Variants in CSMD1 observed in about 807,000 individuals in gnomAD.
CSMD1 encodes the protein CUB and sushi domain-containing protein 1.
CSMD1 carries 213 observed loss-of-function variants against 417.5 expected under a neutral mutation model. The ratio of observed to expected loss-of-function variants is 0.51; its 90% CI spans 0.46 to 0.57. The LOEUF is 0.57. Ranked by LOEUF, CSMD1 falls within the 20% of genes least tolerant of loss-of-function variation. The pLI, the probability that CSMD1 is intolerant of heterozygous loss-of-function variation, is 0.00. For synonymous variants in CSMD1, 2,862 were observed against 1,736.8 expected, an observed-to-expected ratio of 1.65 and a Z score of -16.11; for missense variants, 6,923 against 4,529.7, an observed-to-expected ratio of 1.53 and a Z score of -15.17.
At chr8:3,545,501 G>A (rs114633426) in intron 10 of CSMD1, among the ~76,000 whole-genome samples, 1,783 of 152,270 alleles carry the variant, frequency 0.012, 28 homozygotes, top group African/African-American at 0.041. Context: ...GAAGAGGTGA[G>A]TGATAAAGAA....
intron 5 of CSMD1, among the ~76,000 whole-genome samples, chr8:3,834,501 A>C (rs1802564025): frequency 1.3e-5 from 2 of 152,222 alleles, no homozygotes; most frequent in African/African-American, 4.8e-5. Context: ...TCGGTACTTA[A>C]GGGGAGAAAC....
chr8:3,060,941 A>C (rs1305040130), intron 49 of CSMD1, among the ~76,000 whole-genome samples: 2 of 152,136 alleles, frequency 1.3e-5, no homozygotes, highest in Non-Finnish European at 2.9e-5. Flanking sequence ...GTGTCTGTCA[A>C]TTTCAGCTTC....
rs548512921 is a variant in CSMD1 at position 3,261,888 on chromosome 8, G to A, written c.4153+22256C>T. Among the ~76,000 whole-genome samples, 68 of 152,192 alleles carry A rather than the reference G, an allele frequency of 4.5e-4. 1 individual carries two copies. The highest frequency in any genetic ancestry group is 1.5e-3 in the African/African-American group (62 of 41,526). ...CAATGGGTACGGCTATCAAAGAGCA[G>A]CCTGTGGGATCCTATTCCTGGGGGA... On this transcript the variant is annotated intron_variant, in intron 26 of 69. Transcript: ENST00000635120.
intron 2 of CSMD1, among the ~76,000 whole-genome samples, chr8:4,475,772 A>C (rs910160619): frequency 3.3e-5 from 5 of 151,512 alleles, no homozygotes; most frequent in Admixed American, 3.3e-4. Context: ...ACCACCACAC[A>C]CAGCTAATTT....
chr8:4,671,233 A>G (rs977407475), intron 1 of CSMD1, among the ~76,000 whole-genome samples: 2 of 152,148 alleles, frequency 1.3e-5, no homozygotes, highest in African/African-American at 4.8e-5. Flanking sequence ...TCCTTTTACC[A>G]TTGAAGTCAT....
At chr8:4,146,999 A>G (rs1804176776) in intron 3 of CSMD1, among the ~76,000 whole-genome samples, 2 of 151,866 alleles carry the variant, frequency 1.3e-5, no homozygotes, top group African/African-American at 4.8e-5. Context: ...CTTCCTGTCC[A>G]TCCACTCAGA....
At chr8:4,059,624 C>G (rs943572843) in intron 3 of CSMD1, among the ~76,000 whole-genome samples, 1 of 151,992 alleles carries the variant, frequency 6.6e-6, no homozygotes, top group East Asian at 1.9e-4. Flanking sequence ...ACCACCGATC[C>G]CACAGAAATA....
rs538266230 is a variant in CSMD1, at chr8:4,040,677, C to G, written c.416-8578G>C. Among the ~76,000 whole-genome samples, 6 of 152,104 alleles carry G rather than the reference C, an allele frequency of 3.9e-5. No individual in the cohort carries two copies. The East Asian group carries it at 9.6e-4, about 24-fold the overall frequency. On this transcript the variant is annotated intron_variant, in intron 3 of 69. Coordinates refer to ENST00000635120, the MANE Select transcript of CSMD1 (RefSeq NM_033225.6). The stretch of plus-strand genomic sequence containing the variant: ...TAACATAGTTTTAAAAAACATGTTT[C>G]AAGCTCTCGAGGCAAATTCATATAA...
chr8:4,679,873 A>C (rs720665), intron 1 of CSMD1, among the ~76,000 whole-genome samples: 11 of 151,916 alleles, frequency 7.2e-5, no homozygotes, highest in Admixed American at 2.0e-4. Context: ...ATGCATAATA[A>C]ATGCAATAGA....
At chr8:3,422,205 A>C (rs1026159606) in intron 12 of CSMD1, among the ~76,000 whole-genome samples, 1 of 152,124 alleles carries the variant, frequency 6.6e-6, no homozygotes, top group African/African-American at 2.4e-5. Flanking sequence ...GCCTCTCACC[A>C]TGAAGGGGCT....
intron 25 of CSMD1, among the ~76,000 whole-genome samples, chr8:3,293,954 G>C (rs988414618): frequency 6.6e-6 from 1 of 152,110 alleles, no homozygotes; most frequent in African/African-American, 2.4e-5. Flanking sequence ...CATCTTTGTG[G>C]TTTTATCTAC....
intron 4 of CSMD1, among the ~76,000 whole-genome samples, chr8:4,011,233 T>G (rs1163795623): frequency 6.6e-6 from 1 of 152,176 alleles, no homozygotes; most frequent in East Asian, 1.9e-4. Flanking sequence ...TCTGATCAAG[T>G]TTTTAAGCCA....
At chr8:3,265,256 A>G (rs1420111131) in intron 26 of CSMD1, among the ~76,000 whole-genome samples, 1 of 152,214 alleles carries the variant, frequency 6.6e-6, no homozygotes, top group Non-Finnish European at 1.5e-5. Flanking sequence ...GGAAGACAAA[A>G]TGCTACTAAG....
chr8:4,152,712 T>C (rs564222345), intron 3 of CSMD1, among the ~76,000 whole-genome samples: 3 of 152,058 alleles, frequency 2.0e-5, no homozygotes, highest in South Asian at 4.2e-4. Flanking sequence ...AAAAATCCTT[T>C]ACATATACAC....
At chr8:3,016,006 T>C (rs959858183) in intron 52 of CSMD1, among the ~76,000 whole-genome samples, 2 of 152,162 alleles carry the variant, frequency 1.3e-5, no homozygotes, top group African/African-American at 4.8e-5. Context: ...CTCCTCCTTA[T>C]TGGTCTGAAT....
chr8:4,357,454 T>C (rs1801494950), intron 3 of CSMD1, among the ~76,000 whole-genome samples: 1 of 152,166 alleles, frequency 6.6e-6, no homozygotes, highest in African/African-American at 2.4e-5. Context: ...ACCTCCAAGA[T>C]ACTTCTCTCC....
chr8:4,107,401 C>T (rs1039503462), intron 3 of CSMD1, among the ~76,000 whole-genome samples: 1 of 152,188 alleles, frequency 6.6e-6, no homozygotes, highest in Non-Finnish European at 1.5e-5. Flanking sequence ...ATCACTCGCT[C>T]CACAGCAGAA....
chr8:3,571,671 G>C (rs73658199), intron 10 of CSMD1, among the ~76,000 whole-genome samples: 10 of 152,016 alleles, frequency 6.6e-5, no homozygotes, highest in Admixed American at 6.5e-4. Context: ...GAGCTCGGGG[G>C]TCCTGTGTTC....
chr8:3,693,195 C>G (rs555212370), intron 7 of CSMD1, among the ~76,000 whole-genome samples: 10 of 152,214 alleles, frequency 6.6e-5, no homozygotes, highest in African/African-American at 2.4e-4. Context: ...GTCAATGAAT[C>G]AATACTGTTC....
Sources: gnomAD v4.1 joint callset for allele counts (sites outside exome capture counted in the v4.1 genomes callset) on GRCh38, gnomAD v4.1.1 for gene constraint, MANE v1.5 for transcripts, NCBI Gene and HGNC (gene_info 2026-07-23, HGNC 2026-07-21) for gene names.